Variants in OSBPL10 observed in about 807,000 individuals in gnomAD.
The protein encoded by OSBPL10 is oxysterol binding protein like 10.
A neutral mutation model predicts 81.7 loss-of-function variants in OSBPL10; 49 were observed. That is an observed-to-expected ratio of 0.60 (90% CI 0.48 to 0.76). The LOEUF is 0.76. OSBPL10 is among the 30% of genes least tolerant of loss of function. OSBPL10 has a pLI of 0.00. For missense variants in OSBPL10, 923 were observed against 987.8 expected, an observed-to-expected ratio of 0.93 and a Z score of 0.88; for synonymous variants, 419 against 383.6, an observed-to-expected ratio of 1.09 and a Z score of -1.08.
intron 1 of OSBPL10, among the ~76,000 whole-genome samples, chr3:31,947,811 G>C (rs1305765038): frequency 6.6e-6 from 1 of 151,512 alleles, no homozygotes; most frequent in Non-Finnish European, 1.5e-5. Flanking sequence ...CTATGCAAAT[G>C]AGTGCTTGAG....
At chr3:31,866,207 T>C (rs1293103413) in intron 3 of OSBPL10, among the ~76,000 whole-genome samples, 1 of 152,092 alleles carries the variant, frequency 6.6e-6, no homozygotes, top group Non-Finnish European at 1.5e-5. Flanking sequence ...AATTCCCCAC[T>C]CCTGTCTCCT....
intron 3 of OSBPL10, among the ~76,000 whole-genome samples, chr3:31,865,074 A>AG (rs1187658798): frequency 6.6e-6 from 1 of 152,182 alleles, no homozygotes; most frequent in Non-Finnish European, 1.5e-5. Context: ...GGAGAAGAAA[A>AG]GAAGGGAGGG....
At chr3:31,824,937 TG>T (rs1700066419) in intron 4 of OSBPL10, among the ~76,000 whole-genome samples, 1 of 152,214 alleles carries the variant, frequency 6.6e-6, no homozygotes, top group Non-Finnish European at 1.5e-5. Flanking sequence ...AAGTAAAGTA[TG>T]GAACATTTCT....
intron 5 of OSBPL10, 69 bp downstream of exon 5, chr3:31,747,841 G>T: frequency 6.8e-7 from 1 of 1,466,556 alleles, no homozygotes; most frequent in South Asian, 1.1e-5. Flanking sequence ...ATTAAAGGAG[G>T]AAGACAGTGG....
In OSBPL10 at chr3:31,662,495, A is replaced by G. The variant is rs529674707; in HGVS notation, c.2251-379T>C. ...AAGGGTGTGCATACCAGTGACTTCC[A>G]GCCCACAGGGGAACACCCAACAAAG... On this transcript the variant is annotated intron_variant, in intron 11 of 11. Coordinates refer to ENST00000396556, the MANE Select transcript of OSBPL10 (RefSeq NM_017784.5). 5.9e-6 allele frequency: 6 copies of G among 1,018,986 alleles called. No individual in the cohort carries two copies. In the East Asian group the frequency reaches 6.1e-4, roughly 103 times the overall value. The allele number at this position is 1,018,986 out of a possible 1,614,324, so 63.1% of individuals were successfully genotyped here.
At chr3:31,939,915 C>T (rs1697488384) in intron 1 of OSBPL10, among the ~76,000 whole-genome samples, 1 of 152,054 alleles carries the variant, frequency 6.6e-6, no homozygotes, top group Non-Finnish European at 1.5e-5. Flanking sequence ...GGGACGAGGT[C>T]TCACCATGTT....
chr3:31,933,861 C>T (rs1357097921), intron 1 of OSBPL10, among the ~76,000 whole-genome samples: 2 of 152,004 alleles, frequency 1.3e-5, no homozygotes, highest in Admixed American at 1.3e-4. Context: ...CTCTAGGCCA[C>T]TTAAACATTA....
chr3:31,932,060 A>T (rs1381468448), intron 1 of OSBPL10, among the ~76,000 whole-genome samples: 1 of 152,150 alleles, frequency 6.6e-6, no homozygotes, highest in Non-Finnish European at 1.5e-5. Context: ...ACAAATAAAT[A>T]ATCTTTTTAA....
intron 1 of OSBPL10, among the ~76,000 whole-genome samples, chr3:32,072,786 G>A (rs573728983): frequency 2.2e-4 from 33 of 152,258 alleles, no homozygotes; most frequent in African/African-American, 7.5e-4. Context: ...CTTGGTCTGG[G>A]TAGACACTTT....
At chr3:31,854,144 T>TG (rs1284666459) in intron 3 of OSBPL10, among the ~76,000 whole-genome samples, 2 of 151,870 alleles carry the variant, frequency 1.3e-5, no homozygotes, top group Non-Finnish European at 1.5e-5. Context: ...AGTAAAGTTT[T>TG]TTTTTTTTTT....
At chr3:31,802,042 C>T (rs1402137429) in intron 4 of OSBPL10, among the ~76,000 whole-genome samples, 4 of 151,396 alleles carry the variant, frequency 2.6e-5, no homozygotes, top group Non-Finnish European at 5.9e-5. Flanking sequence ...AGGCTGGTCT[C>T]GAACTCCCGA....
intron 4 of OSBPL10, among the ~76,000 whole-genome samples, chr3:31,758,368 G>A (rs912412496): frequency 6.6e-6 from 1 of 152,190 alleles, no homozygotes; most frequent in Non-Finnish European, 1.5e-5. Context: ...AGATACCACT[G>A]TTAGCCAAGG....
chr3:31,982,138 G>T (rs1698863300), upstream of OSBPL10, among the ~76,000 whole-genome samples: 1 of 152,144 alleles, frequency 6.6e-6, no homozygotes, highest in Non-Finnish European at 1.5e-5. Context: ...AGGAGCAGAG[G>T]CTCTGAAACC....
At chr3:31,666,498 C>A (rs1284154114) in intron 10 of OSBPL10, among the ~76,000 whole-genome samples, 1 of 152,188 alleles carries the variant, frequency 6.6e-6, no homozygotes, top group Non-Finnish European at 1.5e-5. Flanking sequence ...GCCTAGCACA[C>A]CCGGCTGGGA....
intron 4 of OSBPL10, among the ~76,000 whole-genome samples, chr3:31,780,357 C>T (rs1003947318): frequency 6.6e-6 from 1 of 151,846 alleles, no homozygotes; most frequent in African/African-American, 2.4e-5. Flanking sequence ...TAAATGCCTA[C>T]ATTGGAAAAT....
intron 1 of OSBPL10, among the ~76,000 whole-genome samples, chr3:32,066,249 C>T (rs1384069323): frequency 2.2e-5 from 2 of 91,246 alleles, no homozygotes; most frequent in African/African-American, 2.8e-5. Flanking sequence ...TGACCACCCT[C>T]ACTATATTAT....
At chr3:31,741,132 C>A (rs889292844) in intron 5 of OSBPL10, among the ~76,000 whole-genome samples, 13 of 152,084 alleles carry the variant, frequency 8.5e-5, no homozygotes, top group Non-Finnish European at 1.6e-4. Flanking sequence ...TTCATGCTTC[C>A]CAGGTTCAGT....
chr3:31,747,487 TAAA>T lies in OSBPL10; in HGVS notation c.940+420_940+422del, dbSNP rs61150758. 1.9e-3 allele frequency among the ~76,000 whole-genome samples: 191 copies of T among 98,504 alleles called. 1 individual carries two copies. Among genetic ancestry groups the T allele is most frequent in the African/African-American group, 6.6e-3 (177 of 26,998 alleles). 64.6% of individuals were successfully genotyped at this position (98,504 alleles called of 152,430 possible). A position where few individuals can be genotyped will look rare whatever the true frequency, so the allele number is the denominator to read the frequency against. Reference sequence around the variant, plus strand: ...GAATGGAATGAAATGAATCTTCAAATAAAAAAAAAAAAAAAAAAAAAAACACAG... The same window carrying T: ...GAATGGAATGAAATGAATCTTCAAATAAAAAAAAAAAAAAAAAAAACACAG... On this transcript the variant is annotated intron_variant, in intron 5 of 11. Transcript: ENST00000396556.
intron 11 of OSBPL10, chr3:31,663,697 G>A (rs1029457953): frequency 5.4e-6 from 6 of 1,117,760 alleles, no homozygotes; most frequent in African/African-American, 4.9e-5. Context: ...GATGGCCTGT[G>A]AGGCACTCCT....
Sources: gnomAD v4.1 joint callset for allele counts (sites outside exome capture counted in the v4.1 genomes callset) on GRCh38, gnomAD v4.1.1 for gene constraint, MANE v1.5 for transcripts, NCBI Gene and HGNC (gene_info 2026-07-23, HGNC 2026-07-21) for gene names.